The following DNM3 variants were observed in gnomAD, a reference collection of about 807,000 sequenced individuals.
DNM3 encodes the protein dynamin 3, also known as dynamin-3.
DNM3 carries 47 observed loss-of-function variants against 101.6 expected under a neutral mutation model. The observed-to-expected ratio is 0.46, with a 90% CI of 0.37 to 0.59. The LOEUF (loss-of-function observed/expected upper bound fraction) is 0.59. Ranked by LOEUF, DNM3 falls within the 20% of genes least tolerant of loss-of-function variation. The probability of loss-of-function intolerance (pLI) is 0.00; values close to 1 mark genes in which losing one functional copy is unlikely to be tolerated. For missense variants in DNM3, 849 were observed against 1,085.7 expected, an observed-to-expected ratio of 0.78 and a Z score of 3.06; for synonymous variants, 385 against 387.9, an observed-to-expected ratio of 0.99 and a Z score of 0.09.
At chr1:172,064,602 C>T (rs16843772) in intron 10 of DNM3, among the ~76,000 whole-genome samples, 6,464 of 152,006 alleles carry the variant, frequency 0.043, 240 homozygotes, top group East Asian at 0.17. Context: ...GTCAGTAGGA[C>T]TTTATTTTTT....
intron 14 of DNM3, among the ~76,000 whole-genome samples, chr1:172,169,577 A>T (rs1391543552): frequency 6.6e-6 from 1 of 151,962 alleles, no homozygotes; most frequent in Non-Finnish European, 1.5e-5. Context: ...AAAATATTGT[A>T]GTTAATATAA....
chr1:172,236,008 A>G (rs1158072603), intron 14 of DNM3, among the ~76,000 whole-genome samples: 2 of 152,162 alleles, frequency 1.3e-5, no homozygotes, highest in African/African-American at 4.8e-5. Flanking sequence ...AAAATAAGTA[A>G]AAAACATTGT....
chr1:172,234,746 T>G (rs1050386481), intron 14 of DNM3, among the ~76,000 whole-genome samples: 4 of 152,114 alleles, frequency 2.6e-5, no homozygotes, highest in Admixed American at 6.5e-5. Flanking sequence ...TACACCGATC[T>G]GATCTTCGAC....
chr1:172,192,793 T>G (rs1186186406), intron 14 of DNM3, among the ~76,000 whole-genome samples: 1 of 151,762 alleles, frequency 6.6e-6, no homozygotes, highest in Non-Finnish European at 1.5e-5. Context: ...ACATTTGGGT[T>G]GGTTCCAAGT....
intron 15 of DNM3, among the ~76,000 whole-genome samples, chr1:172,254,334 C>T (rs1469119024): frequency 6.6e-6 from 1 of 152,192 alleles, no homozygotes. Flanking sequence ...ATCTGTCTAA[C>T]ATGAATGGAT....
At chr1:172,292,086 G>A (rs142615999) in intron 15 of DNM3, among the ~76,000 whole-genome samples, 3,330 of 152,194 alleles carry the variant, frequency 0.022, 67 homozygotes, top group Middle Eastern at 0.068. Flanking sequence ...CACGTGCACA[G>A]GACCTAAAGG....
chr1:172,390,034 A>G (rs1273497709), intron 20 of DNM3, among the ~76,000 whole-genome samples: 1 of 152,214 alleles, frequency 6.6e-6, no homozygotes, highest in Non-Finnish European at 1.5e-5. Flanking sequence ...GAGGTATTTG[A>G]AAGAGTTTGA....
chr1:172,413,856 T>G (rs564815858), downstream of DNM3, among the ~76,000 whole-genome samples: 6 of 152,366 alleles, frequency 3.9e-5, no homozygotes, highest in East Asian at 7.7e-4. Flanking sequence ...GTGGAACATC[T>G]GTACCTTCAA....
intron 6 of DNM3, among the ~76,000 whole-genome samples, chr1:172,033,550 T>C (rs998548050): frequency 1.3e-5 from 2 of 152,150 alleles, no homozygotes; most frequent in African/African-American, 4.8e-5. Context: ...TACTCACTTG[T>C]AATATGTAGT....
In DNM3 at chr1:172,409,425, T is replaced by C; in HGVS notation, c.*1584T>C. 1.0e-6 allele frequency: 1 copy of C among 984,562 alleles called. No individual in the cohort carries two copies. Among genetic ancestry groups the C allele is most frequent in the Non-Finnish European group, 1.2e-6 (1 of 829,172 alleles). 61.0% of individuals were successfully genotyped at this position (984,562 alleles called of 1,614,324 possible). A position where few individuals can be genotyped will look rare whatever the true frequency, so the allele number is the denominator to read the frequency against. The stretch of plus-strand genomic sequence containing the variant: ...AGAGAACTTGCCATGTTGAGTGCCA[T>C]TGTATTGAACTTATTCTAAAGGCTT... On this transcript the variant is annotated 3_prime_UTR_variant, in exon 21 of 21. Transcript: ENST00000627582.
At chr1:172,284,728 G>A (rs1304016815) in intron 15 of DNM3, among the ~76,000 whole-genome samples, 3 of 152,162 alleles carry the variant, frequency 2.0e-5, no homozygotes, top group Non-Finnish European at 4.4e-5. Context: ...TCAGGTTGAA[G>A]ATATGCCTAA....
chr1:171,959,605 AC>A (rs2043081212), intron 2 of DNM3, among the ~76,000 whole-genome samples: 1 of 152,180 alleles, frequency 6.6e-6, no homozygotes. Flanking sequence ...AGAATTAAAA[AC>A]AACAACAACA....
At chr1:172,152,933 G>A (rs958051836) in intron 14 of DNM3, among the ~76,000 whole-genome samples, 8 of 152,210 alleles carry the variant, frequency 5.3e-5, no homozygotes, top group Non-Finnish European at 1.2e-4. Flanking sequence ...AACATTCACA[G>A]TGAAAACACT....
chr1:172,185,434 T>C (rs2148412330), intron 14 of DNM3, among the ~76,000 whole-genome samples: 1 of 152,262 alleles, frequency 6.6e-6, no homozygotes, highest in Middle Eastern at 3.4e-3. Flanking sequence ...ACTGTGGTTT[T>C]AAAACATTTA....
intron 4 of DNM3, among the ~76,000 whole-genome samples, chr1:171,992,323 T>C (rs1441062811): frequency 6.6e-6 from 1 of 152,114 alleles, no homozygotes; most frequent in Non-Finnish European, 1.5e-5. Context: ...GTGAGAGCAA[T>C]GAATGTTTGT....
rs143438664 is a variant in DNM3 at position 171,856,736 on chromosome 1, C to G, written c.161+14919C>G. The stretch of plus-strand genomic sequence containing the variant: ...GTACACGGATTTTTCTATCCTGAAA[C>G]CTTGATGAAGTTGTTTATCAGCTGG... On this transcript the variant is annotated intron_variant, in intron 1 of 20. Coordinates refer to ENST00000627582, the MANE Select transcript of DNM3 (RefSeq NM_015569.5). 2.9e-4 allele frequency among the ~76,000 whole-genome samples: 44 copies of G among 152,140 alleles called. No homozygotes were observed. In the East Asian group the frequency reaches 7.9e-3, roughly 27 times the overall value.
At chr1:172,073,321 A>G (rs1403433664) in intron 11 of DNM3, among the ~76,000 whole-genome samples, 1 of 151,990 alleles carries the variant, frequency 6.6e-6, no homozygotes, top group Non-Finnish European at 1.5e-5. Flanking sequence ...ATATTTGAAC[A>G]TATGTGCATA....
Position 172,412,371 on chromosome 1 carries a change from G to C in DNM3, c.*4530G>C. 1.0e-6 allele frequency: 1 copy of C among 985,726 alleles called. No individual in the cohort carries two copies. Among genetic ancestry groups the C allele is most frequent in the Non-Finnish European group, 1.2e-6 (1 of 829,908 alleles). The allele number at this position is 985,726 out of a possible 1,614,324, so 61.1% of individuals were successfully genotyped here. ...ACCAGTAATTCCACCAGTACTACTT[G>C]ATTTGTGTTATATTTCCTATGTACA... On this transcript the variant is annotated 3_prime_UTR_variant, in exon 21 of 21. Coordinates refer to ENST00000627582, the MANE Select transcript of DNM3 (RefSeq NM_015569.5).
chr1:172,315,823 T>C (rs1032112803), intron 16 of DNM3, among the ~76,000 whole-genome samples: 2 of 152,072 alleles, frequency 1.3e-5, no homozygotes, highest in Non-Finnish European at 2.9e-5. Flanking sequence ...TGCAGGATAT[T>C]ATCCAGGAGA....
Sources: allele counts gnomAD v4.1 joint callset (sites outside exome capture counted in the v4.1 genomes callset), GRCh38; gene constraint gnomAD v4.1.1; transcripts MANE v1.5; gene names NCBI Gene and HGNC (gene_info 2026-07-23, HGNC 2026-07-21).